SHANK1: variants seen among roughly 807,000 people sequenced by gnomAD.
SHANK1 encodes the protein SH3 and multiple ankyrin repeat domains 1.
SHANK1 carries 35 observed loss-of-function variants against 165.6 expected under a neutral mutation model. The observed-to-expected ratio is 0.21, with a 90% CI of 0.16 to 0.28. SHANK1 has a LOEUF of 0.28. Ranked by LOEUF, SHANK1 falls within the 10% of genes least tolerant of loss-of-function variation. SHANK1 has a pLI of 1.00. For missense variants in SHANK1, 2,681 were observed against 3,036.4 expected (o/e 0.88, Z 2.75); for synonymous variants, 1,428 against 1,384.8 (o/e 1.03, Z -0.69).
intron 7 of SHANK1, 95 bp from the exon 8 acceptor site, chr19:50,711,582 A>G: frequency 1.1e-6 from 1 of 870,356 alleles, no homozygotes; most frequent in Non-Finnish European, 1.8e-6. Context: ...TGGCCTTCTC[A>G]TCCTATCGTT....
intron 4 of SHANK1, 107 bp downstream of exon 4, chr19:50,715,552 G>T: frequency 9.9e-7 from 1 of 1,011,128 alleles, no homozygotes; most frequent in South Asian, 1.3e-5. Flanking sequence ...TCGCTGGCTT[G>T]GGGAATGTGG....
At chr19:50,703,885 G>T in intron 10 of SHANK1, 55 bp from the exon 11 acceptor site, 1 of 788,372 alleles carries the variant, frequency 1.3e-6, no homozygotes, top group South Asian at 1.9e-5. Context: ...AAGGCAAGCA[G>T]GGGGCCATGC....
chr19:50,692,472 T>TATATATATATACACAC (rs1037995388), intron 15 of SHANK1, among the ~76,000 whole-genome samples: 1 of 145,330 alleles, frequency 6.9e-6, no homozygotes, highest in African/African-American at 2.6e-5. Flanking sequence ...TATATATATA[T>TATATATATATACACAC]ACACACACAC....
At chr19:50,715,125 C>G (rs890334961) in intron 4 of SHANK1, among the ~76,000 whole-genome samples, 1 of 152,042 alleles carries the variant, frequency 6.6e-6, no homozygotes, top group Admixed American at 6.5e-5. Flanking sequence ...TTCCTCCCAG[C>G]TCTCACCATC....
chr19:50,697,635 A>T lies in SHANK1; in HGVS notation c.1891T>A (p.Phe631Ile). 6.2e-7 allele frequency: 1 copy of T among 1,614,098 alleles called. No individual in the cohort carries two copies. The highest frequency in any genetic ancestry group is 1.1e-5 in the South Asian group (1 of 91,080). ...ESRSDKAKRL[F>I]RHYTVGSYDS... ...TAGGAGCCCACGGTATAATGCCGGAAGAGTCTCTTTGCCTTGTCACTGCGG... is the reference window on the plus strand; with the variant it reads ...TAGGAGCCCACGGTATAATGCCGGATGAGTCTCTTTGCCTTGTCACTGCGG... Residue 631 changes from phenylalanine to isoleucine, a missense_variant, in exon 14 of 24, where the codon TTC becomes ATC. Phe to Ile is a conservative substitution (Grantham distance 21, BLOSUM62 0). Around this residue, in one of 10 missense-constraint regions of SHANK1, gnomAD observed 147 missense variants for 256.5 expected, o/e 0.57. Transcript: ENST00000293441. This position sits in a 1 kb window ranked among gnomAD's most constrained non-coding sequence, Gnocchi z 4.7.
chr19:50,692,641 T>C (rs1599858495), intron 15 of SHANK1, among the ~76,000 whole-genome samples: 2 of 151,416 alleles, frequency 1.3e-5, no homozygotes, highest in Admixed American at 1.3e-4. Flanking sequence ...ATACGTGGTG[T>C]TGCCCTCATC....
chr19:50,669,792 A>G (rs1985725049), intron 22 of SHANK1, among the ~76,000 whole-genome samples: 1 of 151,858 alleles, frequency 6.6e-6, no homozygotes, highest in African/African-American at 2.4e-5. Context: ...AATCAGGTAA[A>G]CGATGCGAGC....
intron 12 of SHANK1, among the ~76,000 whole-genome samples, chr19:50,699,405 A>G (rs1986834558): frequency 6.6e-6 from 1 of 152,216 alleles, no homozygotes. Flanking sequence ...TCAGAGCTCA[A>G]GGGAAAATAA....
chr19:50,669,118 A>G lies in SHANK1; in HGVS notation c.2842T>C (p.Ser948Pro), dbSNP rs1599842140. The G allele has an allele frequency of 2.0e-6, 3 of 1,476,444 alleles. No homozygotes were observed. The highest frequency in any genetic ancestry group is 2.7e-6 in the Non-Finnish European group (3 of 1,113,038). The allele number at this position is 1,476,444 out of a possible 1,614,324, so 91.5% of individuals were successfully genotyped here. Residue 948 changes from serine (S) to proline (P), a missense_variant, in exon 23 of 24, where the codon TCC (serine) becomes CCC (proline). Around this residue, in one of 10 missense-constraint regions of SHANK1, gnomAD observed 1,713 missense variants for 1,630.2 expected, o/e 1.05. Transcript: ENST00000293441. ...VPSSSGRLTPSPRGGPFNPGS... is the reference protein window; with the variant it reads ...VPSSSGRLTPPPRGGPFNPGS... ...GGGTTGAAGGGCCCTCCCCGAGGGG[A>G]GGGGGTGAGGCGCCCTGAGGAGGAG...
Position 50,697,703 on chromosome 19 carries a change from G to A in SHANK1, c.1862-39C>T, listed in dbSNP as rs1191517791. On this transcript the variant is annotated intron_variant, in intron 13 of 23. Coordinates refer to ENST00000293441, the MANE Select transcript of SHANK1 (RefSeq NM_016148.5). This position sits in a 1 kb window ranked among gnomAD's most constrained non-coding sequence, Gnocchi z 4.7. ...ACAGACAACCTTGGACTCTTGTTTTGGAAACCACAATCCCAGCCCTAGAGC... is the reference window on the plus strand; with the variant it reads ...ACAGACAACCTTGGACTCTTGTTTTAGAAACCACAATCCCAGCCCTAGAGC... 6.2e-7 allele frequency: 1 copy of A among 1,600,052 alleles called. No homozygotes were observed. The highest frequency in any genetic ancestry group is 1.3e-5 in the African/African-American group (1 of 74,542).
chr19:50,704,589 C>T, intron 8 of SHANK1, 75 bp from the exon 9 acceptor site: 3 of 1,314,868 alleles, frequency 2.3e-6, no homozygotes, highest in Non-Finnish European at 3.3e-6. Context: ...GATGCAGGTT[C>T]TGTGCTAAGA....
Position 50,688,924 on chromosome 19 carries a change from C to A in SHANK1, c.2092G>T (p.Ala698Ser). The A allele has an allele frequency of 6.4e-7, 1 of 1,562,522 alleles. No individual in the cohort carries two copies. Among genetic ancestry groups the A allele is most frequent in the Non-Finnish European group, 8.7e-7 (1 of 1,153,028 alleles). ...EEFTPTPAFP[A>S]LQYLESVDEG... ...TCCACCGACTCCAGGTACTGCAGCG[C>A]CGGGAAGGCCGGGGTGGGGGTGAAC... The change falls in exon 17 of 24, where the codon GCG (alanine) becomes TCG (serine). Residue 698 changes from alanine to serine, a missense_variant. Coordinates refer to ENST00000293441, the MANE Select transcript of SHANK1 (RefSeq NM_016148.5). This position sits in a 1 kb window ranked among gnomAD's most constrained non-coding sequence, Gnocchi z 6.7.
chr19:50,681,114 G>A (rs766769382), intron 21 of SHANK1, among the ~76,000 whole-genome samples: 9 of 152,038 alleles, frequency 5.9e-5, no homozygotes, highest in Non-Finnish European at 7.4e-5. Context: ...ATGGGAAATC[G>A]AGACACCGAG....
At position 50,667,061 on chromosome 19, in the gene SHANK1, G is replaced by A. The variant is rs773365592; in HGVS notation, c.4899C>T (p.Thr1633=). 138 of 1,553,492 alleles carry A rather than the reference G, an allele frequency of 8.9e-5. No individual in the cohort carries two copies. Among genetic ancestry groups the A allele is most frequent in the Non-Finnish European group, 1.2e-4 (134 of 1,154,204 alleles). Residue 1633 remains threonine, a synonymous_variant, in exon 23 of 24, where the codon ACC becomes ACT. Transcript: ENST00000293441. The surrounding 1 kb of genome is among the most constrained non-coding windows in gnomAD (Gnocchi z 5.7). ...SLTSYDSEVA[T]LTQGASAAPG... is the part of the protein sequence containing the mutation. ...GAGCGGCGGAGGCCCCCTGGGTCAG[G>A]GTGGCCACCTCGCTGTCATAGGATG... is the stretch of plus-strand genomic sequence containing the variant.
In SHANK1 at chr19:50,667,553, C is replaced by T. The variant is rs1479243037; in HGVS notation, c.4407G>A (p.Pro1469=). 4.1e-6 allele frequency: 6 copies of T among 1,460,424 alleles called. No homozygotes were observed. The highest frequency in any genetic ancestry group is 1.4e-5 in the South Asian group (1 of 69,838). 90.5% of individuals were successfully genotyped at this position (1,460,424 alleles called of 1,614,324 possible). ...TCCAGGGCTTGCTTACTCCGGGGTGCGGGGCCGGGGGCTCCGTCCCCAGCT... is the reference window on the plus strand; with the variant it reads ...TCCAGGGCTTGCTTACTCCGGGGTGTGGGGCCGGGGGCTCCGTCCCCAGCT... ...LLQLGTEPPA[P]HPGVSKPWRS... The change falls in exon 23 of 24, where the codon CCG becomes CCA. Residue 1469 remains proline, a synonymous_variant. Coordinates refer to ENST00000293441, the MANE Select transcript of SHANK1 (RefSeq NM_016148.5). The surrounding 1 kb of genome is among the most constrained non-coding windows in gnomAD (Gnocchi z 5.7).
rs748088625 is a variant in SHANK1, at chr19:50,717,253, C to T, written c.-43-291G>A. On this transcript the variant is annotated intron_variant, in intron 1 of 23. Transcript: ENST00000293441. This position sits in a 1 kb window ranked among gnomAD's most constrained non-coding sequence, Gnocchi z 5.5. The stretch of plus-strand genomic sequence containing the variant: ...CACTTTGCTGGTGACCCAGCGTGGC[C>T]GTGTCCCAGAAACCGCAGAATCACC... 7.2e-5 allele frequency among the ~76,000 whole-genome samples: 11 copies of T among 152,328 alleles called. No homozygotes were observed. Among genetic ancestry groups the T allele is most frequent in the Middle Eastern group, 3.4e-3 (1 of 294 alleles).
Position 50,711,497 on chromosome 19 carries a change from A to G in SHANK1, c.961-10T>C. 6.4e-7 allele frequency: 1 copy of G among 1,565,506 alleles called. No homozygotes were observed. The highest frequency in any genetic ancestry group is 1.8e-5 in the Admixed American group (1 of 54,402). ...GACCCCGCTGGCAGGCCTGGGCAGG[A>G]CAGGGAGCGAGGGGCATGGATCAGA... On this transcript the variant is annotated splice_polypyrimidine_tract_variant and intron_variant, in intron 7 of 23. Transcript: ENST00000293441.
In SHANK1 at chr19:50,667,377, G is replaced by A; in HGVS notation, c.4583C>T (p.Pro1528Leu). Residue 1528 changes from proline (P) to leucine (L), a missense_variant, in exon 23 of 24, where the codon CCC becomes CTC. Coordinates refer to ENST00000293441, the MANE Select transcript of SHANK1 (RefSeq NM_016148.5). The surrounding 1 kb of genome is among the most constrained non-coding windows in gnomAD (Gnocchi z 5.7). ...GGCCCTCGGGGAGGTCGGGGAGGGGGGCACGGACCGGCGTGGGCTGGGCGG... is the reference window on the plus strand; with the variant it reads ...GGCCCTCGGGGAGGTCGGGGAGGGGAGCACGGACCGGCGTGGGCTGGGCGG... Reference protein sequence around the residue: ...VPPPSPRRSVPPSPTSPRASE... With the variant: ...VPPPSPRRSVLPSPTSPRASE... 8 of 1,529,964 alleles carry A rather than the reference G, an allele frequency of 5.2e-6. No homozygotes were observed. The highest frequency in any genetic ancestry group is 7.0e-6 in the Non-Finnish European group (8 of 1,142,034). 94.8% of individuals were successfully genotyped at this position (1,529,964 alleles called of 1,614,324 possible).
Position 50,670,538 on chromosome 19 carries a change from T to C in SHANK1, c.2675-1253A>G, listed in dbSNP as rs1985751238. ...CCCTCCTCTGCTTAGAGCCCTGCCATTCACTCACCTCACTCAGGGCAAAGG... is the reference window on the plus strand; with the variant it reads ...CCCTCCTCTGCTTAGAGCCCTGCCACTCACTCACCTCACTCAGGGCAAAGG... On this transcript the variant is annotated intron_variant, in intron 22 of 23. Coordinates refer to ENST00000293441, the MANE Select transcript of SHANK1 (RefSeq NM_016148.5). This position sits in a 1 kb window ranked among gnomAD's most constrained non-coding sequence, Gnocchi z 4.1. Among the ~76,000 whole-genome samples the C allele has an allele frequency of 6.6e-6, 1 of 152,128 alleles. No homozygotes were observed. The highest frequency in any genetic ancestry group is 6.5e-5 in the Admixed American group (1 of 15,280).
Sources: allele counts gnomAD v4.1 joint callset (sites outside exome capture counted in the v4.1 genomes callset), GRCh38; gene constraint gnomAD v4.1.1; regional missense constraint gnomAD v4.1.1; non-coding constraint Gnocchi (gnomAD v3.1); transcripts MANE v1.5; gene names NCBI Gene and HGNC (gene_info 2026-07-23, HGNC 2026-07-21).